The following CCDC141 variants were observed in gnomAD, a reference collection of about 807,000 sequenced individuals.
The protein encoded by CCDC141 is coiled-coil domain-containing protein 141.
Under a neutral mutation model 181.0 loss-of-function variants are expected in CCDC141, and 168 were observed. The observed-to-expected ratio is 0.93, with a 90% CI of 0.82 to 1.05. CCDC141 has a LOEUF of 1.05. Among genes scored for constraint, CCDC141 ranks in the 50% least tolerant of loss-of-function variants. The pLI is 0.00. For synonymous variants in CCDC141, 666 were observed against 642.3 expected (o/e 1.04, Z -0.56); for missense variants, 1,902 against 1,788.5 (o/e 1.06, Z -1.14).
chr2:178,824,890 C>T (rs974682290), downstream of CCDC141, among the ~76,000 whole-genome samples: 3 of 152,092 alleles, frequency 2.0e-5, no homozygotes, highest in Admixed American at 6.6e-5. Flanking sequence ...ACTGTTTATA[C>T]TACTATATTT....
At chr2:178,980,549 G>T (rs1446243915) in intron 2 of CCDC141, among the ~76,000 whole-genome samples, 1 of 152,190 alleles carries the variant, frequency 6.6e-6, no homozygotes, top group East Asian at 1.9e-4. Flanking sequence ...GCTGAAGCAA[G>T]AAAAAGGTGA....
the CCDC141 span, among the ~76,000 whole-genome samples, chr2:178,817,936 G>A: frequency 6.6e-6 from 1 of 151,950 alleles, no homozygotes; most frequent in Non-Finnish European, 1.5e-5. Flanking sequence ...CTGAGTAGCT[G>A]GGATTACAGG....
intron 2 of CCDC141, among the ~76,000 whole-genome samples, chr2:179,037,510 C>T (rs985178142): frequency 3.6e-4 from 55 of 152,238 alleles, no homozygotes; most frequent in Middle Eastern, 6.8e-3. Flanking sequence ...ATTCGAGTCA[C>T]GCAGCTTTGG....
At chr2:178,852,802 C>A (rs75775156) in intron 20 of CCDC141, among the ~76,000 whole-genome samples, 8 of 152,048 alleles carry the variant, frequency 5.3e-5, no homozygotes, top group African/African-American at 1.7e-4. Context: ...GAACTATCAT[C>A]CTCCATGGAC....
At chr2:178,988,186 G>A (rs1055705240) in intron 2 of CCDC141, among the ~76,000 whole-genome samples, 3 of 151,980 alleles carry the variant, frequency 2.0e-5, no homozygotes, top group African/African-American at 7.2e-5. Context: ...GTATGAAATT[G>A]GAAATCATCA....
intron 2 of CCDC141, among the ~76,000 whole-genome samples, chr2:179,043,184 T>C (rs1166589696): frequency 6.6e-6 from 1 of 152,148 alleles, no homozygotes; most frequent in African/African-American, 2.4e-5. Flanking sequence ...AGAAATTGAA[T>C]CCTTGAATAG....
At chr2:178,860,714 T>G (rs1167548477) in intron 17 of CCDC141, among the ~76,000 whole-genome samples, 2 of 151,748 alleles carry the variant, frequency 1.3e-5, no homozygotes, top group Non-Finnish European at 2.9e-5. Flanking sequence ...TTGGCCTCCT[T>G]CCATTTGGCA....
At position 178,830,701 on chromosome 2, in the gene CCDC141, G is replaced by C. The variant is rs1684215365; in HGVS notation, c.*3472C>G. On this transcript the variant is annotated 3_prime_UTR_variant, in exon 24 of 24. Transcript: ENST00000443758. Reference sequence around the variant, plus strand: ...TTGTGTATATTCAGGGGCGTGGCTGGGCAGTGCAGGTGCTGACAGTGCACA... The same window carrying C: ...TTGTGTATATTCAGGGGCGTGGCTGCGCAGTGCAGGTGCTGACAGTGCACA... 1 of 152,284 alleles carries C rather than the reference G, an allele frequency of 6.6e-6. No individual in the cohort carries two copies. Among genetic ancestry groups the C allele is most frequent in the Non-Finnish European group, 1.5e-5 (1 of 68,162 alleles). The allele number at this position is 152,284 out of a possible 1,614,324, so 9.4% of individuals were successfully genotyped here. A position where few individuals can be genotyped will look rare whatever the true frequency, so the allele number is the denominator to read the frequency against.
At chr2:179,022,764 G>A (rs2042724598) in intron 2 of CCDC141, among the ~76,000 whole-genome samples, 1 of 152,132 alleles carries the variant, frequency 6.6e-6, no homozygotes, top group South Asian at 2.1e-4. Context: ...GGCCAAGAAT[G>A]CCTTTTACAT....
chr2:178,866,610 TTAA>T (rs1273120608), intron 16 of CCDC141, among the ~76,000 whole-genome samples: 1 of 152,252 alleles, frequency 6.6e-6, no homozygotes, highest in African/African-American at 2.4e-5. Flanking sequence ...TATGATTTTA[TTAA>T]TGTTATACCT....
intron 2 of CCDC141, among the ~76,000 whole-genome samples, chr2:179,038,616 A>C (rs555081488): frequency 5.9e-4 from 90 of 152,304 alleles, no homozygotes; most frequent in African/African-American, 2.0e-3. Flanking sequence ...ATTTAAGGTA[A>C]GTTTTTGTAA....
intron 9 of CCDC141, among the ~76,000 whole-genome samples, chr2:178,887,843 A>C (rs1686960968): frequency 6.6e-6 from 1 of 152,242 alleles, no homozygotes; most frequent in African/African-American, 2.4e-5. Context: ...CCTCTGCAGC[A>C]AGATTCATTA....
rs1017786307 is a variant in CCDC141, at chr2:178,978,636, C to G, written c.265G>C (p.Asp89His). The change falls in exon 3 of 24, where the codon GAC becomes CAC. Residue 89 changes from aspartate (D) to histidine (H), a missense_variant. Physicochemically the swap from Asp to His is moderately conservative, Grantham distance 81. Coordinates refer to ENST00000443758, the MANE Select transcript of CCDC141 (RefSeq NM_173648.4). ...TCCTTGTTCTCTTCAGCTGTCTTGT[C>G]TGCTTCCTGCAAGAGTTCCCATACC... is the stretch of plus-strand genomic sequence containing the variant. ...DRVWELLQEA[D>H]KTAEENKDQS... 1 of 1,547,130 alleles carries G rather than the reference C, an allele frequency of 6.5e-7. No individual in the cohort carries two copies. Among genetic ancestry groups the G allele is most frequent in the Admixed American group, 2.0e-5 (1 of 50,494 alleles).
chr2:178,823,106 ACAAACCAC>A, the CCDC141 span, among the ~76,000 whole-genome samples: 11 of 152,308 alleles, frequency 7.2e-5, no homozygotes, highest in African/African-American at 2.6e-4. Context: ...CTTCCATAAA[ACAAACCAC>A]TACTCTGCAA....
At chr2:178,944,493 G>T in intron 6 of CCDC141, 42 bp downstream of exon 6, 1 of 916,188 alleles carries the variant, frequency 1.1e-6, no homozygotes, top group Non-Finnish European at 1.6e-6. Context: ...AAAAGTTAAT[G>T]CATTTTTCAA....
chr2:178,837,574 G>A lies in CCDC141; in HGVS notation c.3645C>T (p.Ser1215=). Residue 1215 remains serine (S), a synonymous_variant, in exon 23 of 24, where the codon TCC becomes TCT. Transcript: ENST00000443758. ...CAGGGCTTCCTGGGAGAGGAGGCAA[G>A]GAGATGTCATCAGGTGAGACACACT... The part of the protein sequence containing the change: ...EYECVSPDDI[S]LPPLPGSPES... The A allele has an allele frequency of 6.2e-7, 1 of 1,613,920 alleles. No homozygotes were observed. Among genetic ancestry groups the A allele is most frequent in the Non-Finnish European group, 8.5e-7 (1 of 1,179,902 alleles).
At chr2:179,048,761 T>G (rs1291749821) in intron 1 of CCDC141, among the ~76,000 whole-genome samples, 1 of 152,184 alleles carries the variant, frequency 6.6e-6, no homozygotes, top group Non-Finnish European at 1.5e-5. Context: ...GAGAGAAGTC[T>G]CACAACACCA....
At chr2:178,848,876 TA>T (rs1685047860) in intron 21 of CCDC141, among the ~76,000 whole-genome samples, 1 of 152,150 alleles carries the variant, frequency 6.6e-6, no homozygotes, top group Non-Finnish European at 1.5e-5. Context: ...ATAACATACA[TA>T]TTAGAAATAT....
the CCDC141 span, among the ~76,000 whole-genome samples, chr2:178,820,636 T>C: frequency 1.3e-5 from 2 of 152,166 alleles, no homozygotes; most frequent in Non-Finnish European, 2.9e-5. Flanking sequence ...ATCTAAAGTT[T>C]TCAGATTAAA....
Sources: gnomAD v4.1 joint callset for allele counts (sites outside exome capture counted in the v4.1 genomes callset) on GRCh38, gnomAD v4.1.1 for gene constraint, MANE v1.5 for transcripts, NCBI Gene and HGNC (gene_info 2026-07-23, HGNC 2026-07-21) for gene names.